KAZN: variants seen among roughly 807,000 people sequenced by gnomAD.
The protein encoded by KAZN is kazrin, periplakin interacting protein, also known as kazrin.
Under a neutral mutation model 87.4 loss-of-function variants are expected in KAZN, and 40 were observed. That is an observed-to-expected ratio of 0.46 (90% CI 0.36 to 0.60). The LOEUF (loss-of-function observed/expected upper bound fraction) is 0.60. KAZN is among the 20% of genes least tolerant of loss of function. KAZN has a pLI of 0.00. For missense variants in KAZN, 898 were observed against 1,073.9 expected (o/e 0.84, Z 2.29); for synonymous variants, 466 against 458.3 (o/e 1.02, Z -0.22).
intron 1 of KAZN, among the ~76,000 whole-genome samples, chr1:14,717,383 C>G (rs913215991): frequency 6.6e-6 from 1 of 152,000 alleles, no homozygotes; most frequent in South Asian, 2.1e-4. Context: ...AGTCCAAAAT[C>G]AAGGTATTAG....
chr1:14,447,725 G>A lies in KAZN; in HGVS notation c.250-151258G>A, dbSNP rs184563296. Among the ~76,000 whole-genome samples, 413 of 152,170 alleles carry A rather than the reference G, an allele frequency of 2.7e-3. 1 individual carries two copies. The highest frequency in any genetic ancestry group is 9.7e-3 in the African/African-American group (401 of 41,510). On this transcript the variant is annotated intron_variant, in intron 2 of 16. Coordinates refer to the KAZN transcript ENST00000636203. ...TCGTCTCCTCAGCCATGGGGTTGGG[G>A]GTCTCTCATTCTGGGAGGGGGCGCT...
At chr1:14,500,427 C>A (rs1487034658) in intron 2 of KAZN, among the ~76,000 whole-genome samples, 1 of 152,076 alleles carries the variant, frequency 6.6e-6, no homozygotes, top group East Asian at 1.9e-4. Context: ...TTAAGTAGTA[C>A]AACCTTGTAT....
intron 2 of KAZN, among the ~76,000 whole-genome samples, chr1:14,283,634 T>C (rs1653019436): frequency 6.6e-6 from 1 of 152,160 alleles, no homozygotes; most frequent in South Asian, 2.1e-4. Flanking sequence ...TATACGTTGC[T>C]GGTGGGAATG....
chr1:14,286,177 G>T (rs1653237957), intron 2 of KAZN, among the ~76,000 whole-genome samples: 1 of 152,146 alleles, frequency 6.6e-6, no homozygotes, highest in Non-Finnish European at 1.5e-5. Context: ...TCAAGGCATT[G>T]GTAGGGTTGG....
At chr1:14,140,279 A>C (rs1206588074) in intron 1 of KAZN, among the ~76,000 whole-genome samples, 1 of 152,090 alleles carries the variant, frequency 6.6e-6, no homozygotes, top group Non-Finnish European at 1.5e-5. Context: ...AACTGGGATA[A>C]TATGAGGATT....
At chr1:14,337,057 G>A (rs973584978) in intron 2 of KAZN, among the ~76,000 whole-genome samples, 3 of 152,200 alleles carry the variant, frequency 2.0e-5, no homozygotes, top group African/African-American at 7.2e-5. Flanking sequence ...GGTTCCAAGT[G>A]GGAAAAATAA....
chr1:14,149,224 C>G (rs1417579026), intron 1 of KAZN, among the ~76,000 whole-genome samples: 1 of 150,686 alleles, frequency 6.6e-6, no homozygotes, highest in Admixed American at 6.6e-5. Context: ...GCCTCAGCCT[C>G]CCAAGTAGCT....
intron 1 of KAZN, among the ~76,000 whole-genome samples, chr1:14,641,710 C>T (rs942837295): frequency 6.6e-6 from 1 of 152,238 alleles, no homozygotes; most frequent in African/African-American, 2.4e-5. Context: ...CACATACCAC[C>T]CTTCGTTACG....
At position 13,906,842 on chromosome 1, in the gene KAZN, G is replaced by A. The variant is rs143113128; in HGVS notation, c.91+13086G>A. Among the ~76,000 whole-genome samples the A allele has an allele frequency of 1.2e-4, 19 of 152,290 alleles. No individual in the cohort carries two copies. The East Asian group carries it at 3.1e-3, about 25-fold the overall frequency. The stretch of plus-strand genomic sequence containing the variant: ...GCAGATGCCACCATGGGAGAGAGAC[G>A]AATGCATTCCTGAAAATTCCATTCT... On this transcript the variant is annotated intron_variant, in intron 1 of 16. Transcript: ENST00000636203.
chr1:14,130,477 T>C lies in KAZN; in HGVS notation c.92-49958T>C, dbSNP rs1467222239. 2.0e-5 allele frequency among the ~76,000 whole-genome samples: 3 copies of C among 152,368 alleles called. No homozygotes were observed. The East Asian group carries it at 5.8e-4, about 29-fold the overall frequency. On this transcript the variant is annotated intron_variant, in intron 1 of 16. Coordinates refer to the KAZN transcript ENST00000636203. ...CTTCCTGCTGCTTTATTCATTTTGT[T>C]AATGCATGCTGTTTCTGAAAAAATA...
chr1:13,914,369 A>G (rs1639763505), intron 1 of KAZN, among the ~76,000 whole-genome samples: 1 of 152,254 alleles, frequency 6.6e-6, no homozygotes, highest in South Asian at 2.1e-4. Flanking sequence ...TTGACCTCAC[A>G]GTGTTAAAAC....
intron 1 of KAZN, among the ~76,000 whole-genome samples, chr1:14,048,516 G>A (rs1642175065): frequency 6.6e-6 from 1 of 150,818 alleles, no homozygotes; most frequent in Non-Finnish European, 1.5e-5. Context: ...CAGTTCTCTT[G>A]CCTCAGCCTC....
Position 15,099,464 on chromosome 1 carries a change from A to G in KAZN, c.1548-2079A>G, listed in dbSNP as rs1640950975. On this transcript the variant is annotated intron_variant, in intron 10 of 14. Transcript: ENST00000376030. The surrounding 1 kb of genome is among the most constrained non-coding windows in gnomAD (Gnocchi z 5.4). ...GGGGGCAACTTCAGACAGCAAATTCAGAGAAAAGGGAGATTTGACGCCCAA... is the reference window on the plus strand; with the variant it reads ...GGGGGCAACTTCAGACAGCAAATTCGGAGAAAAGGGAGATTTGACGCCCAA... Among the ~76,000 whole-genome samples the G allele has an allele frequency of 6.6e-6, 1 of 152,160 alleles. No individual in the cohort carries two copies. The highest frequency in any genetic ancestry group is 1.5e-5 in the Non-Finnish European group (1 of 68,028).
chr1:14,357,369 CAG>C (rs1659123346), intron 2 of KAZN, among the ~76,000 whole-genome samples: 1 of 152,184 alleles, frequency 6.6e-6, no homozygotes, highest in Admixed American at 6.5e-5. Context: ...CATCTGCAAA[CAG>C]AGACAATTTG....
At chr1:14,570,602 T>C (rs183264648) in intron 2 of KAZN, among the ~76,000 whole-genome samples, 59 of 152,370 alleles carry the variant, frequency 3.9e-4, no homozygotes, top group Middle Eastern at 3.4e-3. Flanking sequence ...GTGGTATTGC[T>C]AGACCACATT....
chr1:13,983,236 C>T (rs370126003), intron 1 of KAZN, among the ~76,000 whole-genome samples: 4 of 152,212 alleles, frequency 2.6e-5, no homozygotes, highest in South Asian at 2.1e-4. Flanking sequence ...GGAGGAGGCT[C>T]GGGGGCACAG....
intron 1 of KAZN, among the ~76,000 whole-genome samples, chr1:14,868,941 TCTA>T (rs1651844898): frequency 6.6e-6 from 1 of 152,120 alleles, no homozygotes; most frequent in African/African-American, 2.4e-5. Flanking sequence ...GTGCATCTGT[TCTA>T]CTCGGTGATT....
intron 1 of KAZN, among the ~76,000 whole-genome samples, chr1:14,941,790 T>C (rs1661110106): frequency 6.6e-6 from 1 of 152,198 alleles, no homozygotes. Flanking sequence ...CCATGCTGTC[T>C]GTTCACCAAA....
intron 1 of KAZN, among the ~76,000 whole-genome samples, chr1:14,836,488 G>A (rs1180530827): frequency 6.6e-6 from 1 of 152,202 alleles, no homozygotes; most frequent in Non-Finnish European, 1.5e-5. Context: ...AGTGACAGAG[G>A]TTCCAGGTTC....
Sources: gnomAD v4.1 joint callset for allele counts (sites outside exome capture counted in the v4.1 genomes callset) on GRCh38, gnomAD v4.1.1 for gene constraint, Gnocchi (gnomAD v3.1) non-coding constraint, MANE v1.5 for transcripts, NCBI Gene and HGNC (gene_info 2026-07-23, HGNC 2026-07-21) for gene names.